Variants in UBAC2 observed in about 807,000 individuals in gnomAD.
The protein encoded by UBAC2 is ubiquitin-associated domain-containing protein 2.
UBAC2 carries 26 observed loss-of-function variants against 44.0 expected under a neutral mutation model. The observed-to-expected ratio is 0.59, with a 90% CI of 0.43 to 0.82. The LOEUF is 0.82. UBAC2 is among the 40% of genes least tolerant of loss of function. The probability of loss-of-function intolerance (pLI) is 0.00; values close to 1 mark genes in which losing one functional copy is unlikely to be tolerated. For missense variants in UBAC2, 329 were observed against 419.4 expected (o/e 0.78, Z 1.88); for synonymous variants, 155 against 154.3 (o/e 1.00, Z -0.04).
chr13:99,209,866 G>T (rs61968337), intron 1 of UBAC2, among the ~76,000 whole-genome samples: 1 of 152,068 alleles, frequency 6.6e-6, no homozygotes. Context: ...CCAGCTACTC[G>T]GGAGGCTGAG....
chr13:99,246,135 T>C (rs2043380455), intron 4 of UBAC2, among the ~76,000 whole-genome samples: 1 of 152,242 alleles, frequency 6.6e-6, no homozygotes. Context: ...AGTGTTCTAA[T>C]AGCTTTCGTA....
chr13:99,294,951 A>T (rs1370305828), intron 4 of UBAC2: 1 of 1,276,996 alleles, frequency 7.8e-7, no homozygotes, highest in African/African-American at 1.5e-5. Context: ...AATGAAAGAA[A>T]TATAAAAGAA....
chr13:99,238,855 T>A (rs2043269421), intron 2 of UBAC2, among the ~76,000 whole-genome samples: 1 of 152,248 alleles, frequency 6.6e-6, no homozygotes, highest in Non-Finnish European at 1.5e-5. Context: ...CTTTTTTTAA[T>A]GCCCAGTAGG....
At chr13:99,370,746 A>C (rs756600857) in intron 8 of UBAC2, among the ~76,000 whole-genome samples, 2 of 152,184 alleles carry the variant, frequency 1.3e-5, no homozygotes, top group Non-Finnish European at 2.9e-5. Flanking sequence ...GACTTGATCC[A>C]GCCCCTCCCG....
At chr13:99,237,363 A>G (rs576905423) in intron 1 of UBAC2, among the ~76,000 whole-genome samples, 1 of 152,286 alleles carries the variant, frequency 6.6e-6, no homozygotes, top group Non-Finnish European at 1.5e-5. Flanking sequence ...GGATGGAACT[A>G]GAAGACATGT....
At chr13:99,268,637 A>AAAAAG in intron 4 of UBAC2, among the ~76,000 whole-genome samples, 1 of 142,740 alleles carries the variant, frequency 7.0e-6, no homozygotes, top group Non-Finnish European at 1.5e-5. Context: ...AAAAAAAAGA[A>AAAAAG]ACACAAAAGG....
intron 7 of UBAC2, among the ~76,000 whole-genome samples, chr13:99,349,816 G>A (rs575558393): frequency 1.3e-5 from 2 of 152,328 alleles, no homozygotes; most frequent in South Asian, 4.1e-4. Context: ...CAGCATCACA[G>A]GGAGGGGTTT....
chr13:99,277,164 T>A (rs1351262242), intron 4 of UBAC2, among the ~76,000 whole-genome samples: 1 of 152,192 alleles, frequency 6.6e-6, no homozygotes, highest in African/African-American at 2.4e-5. Context: ...CCTTTTAATG[T>A]CACTCTTATG....
intron 5 of UBAC2, among the ~76,000 whole-genome samples, chr13:99,315,048 C>T (rs1415561466): frequency 6.6e-6 from 1 of 152,142 alleles, no homozygotes; most frequent in African/African-American, 2.4e-5. Context: ...TGCCTTCCTC[C>T]CTCCCCTTTT....
intron 6 of UBAC2, among the ~76,000 whole-genome samples, chr13:99,324,945 G>T (rs1416133473): frequency 6.6e-6 from 1 of 152,078 alleles, no homozygotes; most frequent in East Asian, 1.9e-4. Context: ...ACTCTGTAAT[G>T]TTCACACGAT....
At chr13:99,215,419 T>C (rs1452247724) in intron 1 of UBAC2, 15 of 1,304,860 alleles carry the variant, frequency 1.1e-5, no homozygotes, top group Non-Finnish European at 1.6e-5. Context: ...GATTTGTGGA[T>C]GTGTGGAATG....
chr13:99,249,377 T>A (rs1016434542), intron 4 of UBAC2, among the ~76,000 whole-genome samples: 5 of 152,226 alleles, frequency 3.3e-5, no homozygotes, highest in African/African-American at 4.8e-5. Flanking sequence ...GATTTCATTC[T>A]TTTTTATGGC....
chr13:99,281,076 C>T (rs1459880023), intron 4 of UBAC2, among the ~76,000 whole-genome samples: 1 of 151,952 alleles, frequency 6.6e-6, no homozygotes. Flanking sequence ...ATCCCAGCTA[C>T]TTGGGAGGCT....
chr13:99,208,154 C>T (rs1160050466), intron 1 of UBAC2, among the ~76,000 whole-genome samples: 3 of 152,136 alleles, frequency 2.0e-5, no homozygotes, highest in Non-Finnish European at 2.9e-5. Context: ...TGTACCACCA[C>T]GCCTGGCTAA....
chr13:99,284,243 T>C (rs181819295), intron 4 of UBAC2, among the ~76,000 whole-genome samples: 303 of 152,290 alleles, frequency 2.0e-3, no homozygotes, highest in Non-Finnish European at 3.6e-3. Context: ...AAAGTTCCAA[T>C]TGGGGGGAAG....
chr13:99,202,799 T>C (rs2042821255), intron 1 of UBAC2, among the ~76,000 whole-genome samples: 1 of 152,130 alleles, frequency 6.6e-6, no homozygotes, highest in Non-Finnish European at 1.5e-5. Context: ...GGCTGTGTCT[T>C]ACATGCTCAT....
chr13:99,315,244 T>C (rs1414857978), intron 5 of UBAC2, among the ~76,000 whole-genome samples: 3 of 152,200 alleles, frequency 2.0e-5, no homozygotes, highest in African/African-American at 4.8e-5. Flanking sequence ...AATAGCCCGT[T>C]TCTGCATTTG....
At chr13:99,368,063 G>T in intron 8 of UBAC2, among the ~76,000 whole-genome samples, 157 bp downstream of exon 8, 1 of 151,908 alleles carries the variant, frequency 6.6e-6, no homozygotes, top group Non-Finnish European at 1.5e-5. Context: ...GCTTTTTTTT[G>T]GCTATTGTGG....
At chr13:99,232,783 A>C (rs1024476679) in intron 1 of UBAC2, among the ~76,000 whole-genome samples, 1 of 150,782 alleles carries the variant, frequency 6.6e-6, no homozygotes, top group Non-Finnish European at 1.5e-5. Flanking sequence ...AAAAACAACG[A>C]AAAAAAAACC....
Sources: allele counts gnomAD v4.1 joint callset (sites outside exome capture counted in the v4.1 genomes callset), GRCh38; gene constraint gnomAD v4.1.1; transcripts MANE v1.5; gene names NCBI Gene and HGNC (gene_info 2026-07-23, HGNC 2026-07-21).